The following LDHC variants were observed in gnomAD, a reference collection of about 807,000 sequenced individuals.
LDHC encodes the protein lactate dehydrogenase C, also known as L-lactate dehydrogenase C chain.
LDHC carries 20 observed loss-of-function variants against 30.2 expected under a neutral mutation model. The ratio of observed to expected loss-of-function variants is 0.66; its 90% CI spans 0.47 to 0.96. The LOEUF (loss-of-function observed/expected upper bound fraction) is 0.96, where lower values mean the gene tolerates loss of function less well. Ranked by LOEUF, LDHC falls within the 40% of genes least tolerant of loss-of-function variation. LDHC has a pLI of 0.00. For synonymous variants in LDHC, 139 were observed against 132.7 expected, an observed-to-expected ratio of 1.05 and a Z score of -0.32; for missense variants, 362 against 394.9, an observed-to-expected ratio of 0.92 and a Z score of 0.71.
At chr11:18,426,190 C>T (rs1035617771) in intron 3 of LDHC, among the ~76,000 whole-genome samples, 7 of 151,948 alleles carry the variant, frequency 4.6e-5, no homozygotes, top group African/African-American at 1.4e-4. Flanking sequence ...TAAATTATCT[C>T]ATATGTACAG....
At chr11:18,445,089 T>C (rs777015202) in intron 6 of LDHC, among the ~76,000 whole-genome samples, 4 of 152,344 alleles carry the variant, frequency 2.6e-5, no homozygotes, top group Middle Eastern at 6.8e-3. Context: ...GTATCATGAA[T>C]ATTTTCCATA....
At position 18,438,050 on chromosome 11, in the gene LDHC, G is replaced by GA. The variant is rs1008510142; in HGVS notation, c.593-468dup. On this transcript the variant is annotated intron_variant, in intron 5 of 7. Coordinates refer to ENST00000541669, the MANE Select transcript of LDHC (RefSeq NM_017448.5). The stretch of plus-strand genomic sequence containing the variant: ...ACTATGCTACAGCCTGAGTGAAAAA[G>GA]AAAAAAAAAACAAAAGAAATACCTG... Among the ~76,000 whole-genome samples, 1,318 of 142,906 alleles carry GA rather than the reference G, an allele frequency of 9.2e-3. 15 individuals carry two copies. The highest frequency in any genetic ancestry group is 0.053 in the East Asian group (263 of 4,944). The allele number at this position is 142,906 out of a possible 152,430, so 93.8% of individuals were successfully genotyped here.
At chr11:18,418,344 A>C (rs1867059508) in intron 3 of LDHC, among the ~76,000 whole-genome samples, 1 of 149,778 alleles carries the variant, frequency 6.7e-6, no homozygotes, top group Non-Finnish European at 1.5e-5. Context: ...GAGAGTGTTT[A>C]GTATGTCTGG....
chr11:18,417,572 T>G (rs141683478), intron 3 of LDHC, among the ~76,000 whole-genome samples: 1 of 152,162 alleles, frequency 6.6e-6, no homozygotes, highest in East Asian at 1.9e-4. Flanking sequence ...TTTTAAGAAA[T>G]TATTATTTGT....
chr11:18,447,280 CCCA>C (rs1241497074), intron 7 of LDHC, among the ~76,000 whole-genome samples: 2 of 151,854 alleles, frequency 1.3e-5, no homozygotes, highest in Non-Finnish European at 2.9e-5. Context: ...ACTATAGGCA[CCCA>C]CCACCACACC....
At chr11:18,437,365 A>G (rs1430630081) in intron 5 of LDHC, among the ~76,000 whole-genome samples, 1 of 152,188 alleles carries the variant, frequency 6.6e-6, no homozygotes, top group Non-Finnish European at 1.5e-5. Context: ...TTATAATTTT[A>G]TTTCTTACAT....
At chr11:18,432,091 T>C (rs778396731) in intron 4 of LDHC, among the ~76,000 whole-genome samples, 24 of 152,294 alleles carry the variant, frequency 1.6e-4, no homozygotes, top group Non-Finnish European at 1.2e-4. Flanking sequence ...CTTTTTGATG[T>C]AGGCATTTAG....
intron 6 of LDHC, among the ~76,000 whole-genome samples, chr11:18,439,307 A>G (rs1055118150): frequency 1.3e-5 from 2 of 152,226 alleles, no homozygotes; most frequent in African/African-American, 4.8e-5. Flanking sequence ...TCACGCCTGT[A>G]ATTCCAGCGC....
At chr11:18,436,374 T>C (rs1848352667) in intron 5 of LDHC, among the ~76,000 whole-genome samples, 1 of 152,008 alleles carries the variant, frequency 6.6e-6, no homozygotes, top group African/African-American at 2.4e-5. Flanking sequence ...TTTCCTCTAA[T>C]ACTTTGAATT....
chr11:18,420,641 T>TA (rs11321502), intron 3 of LDHC, among the ~76,000 whole-genome samples: 12,255 of 72,278 alleles, frequency 0.17, 879 homozygotes, highest in African/African-American at 0.25. Flanking sequence ...TCTTGTCTCT[T>TA]AAAAAAAAAA....
intron 3 of LDHC, among the ~76,000 whole-genome samples, chr11:18,429,122 T>G (rs1180178968): frequency 7.2e-6 from 1 of 139,654 alleles, no homozygotes; most frequent in African/African-American, 2.7e-5. Flanking sequence ...TGGTCTTTTT[T>G]TTTTTTTTTT....
chr11:18,434,926 CTAT>C lies in LDHC; in HGVS notation c.592+22_592+24del. 3 of 1,576,994 alleles carry C rather than the reference CTAT, an allele frequency of 1.9e-6. No homozygotes were observed. Among genetic ancestry groups the C allele is most frequent in the South Asian group, 1.1e-5 (1 of 88,946 alleles). ...GGTGATTCTAGTGGTAAGTATAAAT[CTAT>C]TATTATTACGTGACTACCCTTCTTA... is the stretch of plus-strand genomic sequence containing the variant. On this transcript the variant is annotated intron_variant, in intron 5 of 7. Transcript: ENST00000541669.
chr11:18,438,700 T>C (rs1285695158), intron 6 of LDHC, 55 bp downstream of exon 6: 12 of 910,488 alleles, frequency 1.3e-5, no homozygotes, highest in Non-Finnish European at 2.1e-5. Context: ...TAAGAATAAA[T>C]ATCACGGACA....
Position 18,430,437 on chromosome 11 carries a change from CATTGATCCTCCCACCTCAGGCTCA to C in LDHC, c.418+551_418+574del, listed in dbSNP as rs760136638. On this transcript the variant is annotated intron_variant, in intron 4 of 7. Coordinates refer to ENST00000541669, the MANE Select transcript of LDHC (RefSeq NM_017448.5). ...TTGACTCACTGTAACCTTTGCCTCA[CATTGATCCTCCCACCTCAGGCTCA>C]ATTGATCCTCCCACCTCAGGCTCCC... is the stretch of plus-strand genomic sequence containing the variant. 7.7e-3 allele frequency among the ~76,000 whole-genome samples: 1,166 copies of C among 152,172 alleles called. 32 individuals are homozygous for C. Among genetic ancestry groups the C allele is most frequent in the East Asian group, 0.069 (356 of 5,164 alleles).
intron 3 of LDHC, among the ~76,000 whole-genome samples, chr11:18,423,534 C>T (rs1025002524): frequency 6.6e-6 from 1 of 152,148 alleles, no homozygotes; most frequent in Non-Finnish European, 1.5e-5. Context: ...ATACCACACA[C>T]ACACCCTACC....
At chr11:18,423,468 T>C (rs1848103283) in intron 3 of LDHC, among the ~76,000 whole-genome samples, 1 of 152,216 alleles carries the variant, frequency 6.6e-6, no homozygotes. Context: ...AGGAAATTTA[T>C]GGACCTTTAG....
At chr11:18,424,433 C>T (rs548020898) in intron 3 of LDHC, among the ~76,000 whole-genome samples, 74 of 152,038 alleles carry the variant, frequency 4.9e-4, no homozygotes, top group African/African-American at 1.8e-3. Flanking sequence ...TGAAGTTGAA[C>T]ATGAACATAT....
intron 5 of LDHC, among the ~76,000 whole-genome samples, chr11:18,436,395 C>G (rs1408769102): frequency 6.6e-6 from 1 of 151,356 alleles, no homozygotes; most frequent in African/African-American, 2.4e-5. Context: ...ATACACTTAC[C>G]TTATAAATGG....
At chr11:18,415,896 T>C (rs1334749225) in intron 3 of LDHC, among the ~76,000 whole-genome samples, 1 of 152,150 alleles carries the variant, frequency 6.6e-6, no homozygotes, top group Non-Finnish European at 1.5e-5. Flanking sequence ...TTTCACTATA[T>C]GTTGGCCAGG....
Sources: allele counts gnomAD v4.1 joint callset (sites outside exome capture counted in the v4.1 genomes callset), GRCh38; gene constraint gnomAD v4.1.1; transcripts MANE v1.5; gene names NCBI Gene and HGNC (gene_info 2026-07-23, HGNC 2026-07-21).